DGKB: variants seen among roughly 807,000 people sequenced by gnomAD.
DGKB encodes 90 kDa diacylglycerol kinase.
Under a neutral mutation model 114.3 loss-of-function variants are expected in DGKB, and 67 were observed. The observed-to-expected ratio is 0.59, with a 90% CI of 0.48 to 0.72. The LOEUF (loss-of-function observed/expected upper bound fraction) is 0.72. Among genes scored for constraint, DGKB ranks in the 30% least tolerant of loss-of-function variants. DGKB has a pLI of 0.00. For missense variants in DGKB, 907 were observed against 975.2 expected (o/e 0.93, Z 0.93); for synonymous variants, 398 against 323.1 (o/e 1.23, Z -2.49).
chr7:14,394,565 G>C (rs555689455), intron 21 of DGKB, among the ~76,000 whole-genome samples: 2 of 152,192 alleles, frequency 1.3e-5, no homozygotes, highest in South Asian at 4.1e-4. Flanking sequence ...CAGTGGCTGT[G>C]CATAACCTTT....
intron 1 of DGKB, among the ~76,000 whole-genome samples, chr7:14,909,693 T>G (rs1783886736): frequency 6.6e-6 from 1 of 152,216 alleles, no homozygotes; most frequent in Non-Finnish European, 1.5e-5. Context: ...ATCAGTCACT[T>G]TATTCCTCAA....
intron 17 of DGKB, among the ~76,000 whole-genome samples, chr7:14,598,210 C>A (rs1334117562): frequency 6.6e-6 from 1 of 152,092 alleles, no homozygotes; most frequent in Non-Finnish European, 1.5e-5. Context: ...ACAGATGTTT[C>A]ATTTAAAACA....
intron 2 of DGKB, among the ~76,000 whole-genome samples, chr7:14,777,939 G>C (rs1028400580): frequency 2.0e-5 from 3 of 152,140 alleles, no homozygotes; most frequent in African/African-American, 7.2e-5. Flanking sequence ...CTTGTGTATA[G>C]AATCTGGAAA....
At chr7:14,360,565 G>A (rs898353644) in intron 21 of DGKB, among the ~76,000 whole-genome samples, 1 of 151,902 alleles carries the variant, frequency 6.6e-6, no homozygotes, top group Non-Finnish European at 1.5e-5. Flanking sequence ...TGTTGCAGTA[G>A]ACTTCAAAGA....
At chr7:14,589,840 A>C (rs916054289) in intron 17 of DGKB, among the ~76,000 whole-genome samples, 4 of 152,022 alleles carry the variant, frequency 2.6e-5, no homozygotes, top group South Asian at 4.2e-4. Context: ...GAACAAATTG[A>C]CCTATTTTTC....
chr7:14,469,237 T>G (rs2128883550), intron 21 of DGKB, among the ~76,000 whole-genome samples: 1 of 152,212 alleles, frequency 6.6e-6, no homozygotes, highest in African/African-American at 2.4e-5. Context: ...TTCATTTATC[T>G]TAGATTCTAA....
At chr7:14,880,539 G>T (rs1854064153) in intron 1 of DGKB, among the ~76,000 whole-genome samples, 1 of 152,302 alleles carries the variant, frequency 6.6e-6, no homozygotes, top group Admixed American at 6.5e-5. Flanking sequence ...TCAAGATCAA[G>T]TTGGAACAAT....
chr7:14,433,753 G>C (rs1316300243), intron 21 of DGKB, among the ~76,000 whole-genome samples: 1 of 152,082 alleles, frequency 6.6e-6, no homozygotes, highest in African/African-American at 2.4e-5. Context: ...TAAAACGTTT[G>C]GGACTGGAAG....
chr7:14,928,761 GAT>G (rs1784864145), intron 1 of DGKB, among the ~76,000 whole-genome samples: 1 of 151,560 alleles, frequency 6.6e-6, no homozygotes, highest in African/African-American at 2.4e-5. Flanking sequence ...GGGCTTTTAG[GAT>G]ATACATCATC....
intron 6 of DGKB, among the ~76,000 whole-genome samples, chr7:14,717,861 G>C (rs1475723975): frequency 2.0e-5 from 3 of 152,054 alleles, no homozygotes; most frequent in Non-Finnish European, 4.4e-5. Context: ...TAGAGTAAAT[G>C]CTTGAAAAAT....
At chr7:14,391,978 A>C (rs766200706) in intron 21 of DGKB, among the ~76,000 whole-genome samples, 72 of 152,128 alleles carry the variant, frequency 4.7e-4, no homozygotes, top group Non-Finnish European at 8.5e-4. Context: ...ATCCCTATTA[A>C]AGTTTTACTT....
At chr7:14,663,880 A>T (rs1201633199) in intron 13 of DGKB, among the ~76,000 whole-genome samples, 1 of 151,902 alleles carries the variant, frequency 6.6e-6, no homozygotes, top group Non-Finnish European at 1.5e-5. Flanking sequence ...CACTTCTGAA[A>T]AGAGGCAGCT....
intron 23 of DGKB, among the ~76,000 whole-genome samples, chr7:14,198,215 G>A (rs1276608593): frequency 6.6e-6 from 1 of 152,158 alleles, no homozygotes; most frequent in East Asian, 1.9e-4. Context: ...ATTGAAAATA[G>A]TAAGAAAAAA....
chr7:14,898,676 C>T (rs973189342), intron 1 of DGKB, among the ~76,000 whole-genome samples: 3 of 152,038 alleles, frequency 2.0e-5, no homozygotes, highest in Non-Finnish European at 2.9e-5. Context: ...CAACCCCAAC[C>T]TGAAGTGTCA....
intron 3 of DGKB, 100 bp downstream of exon 3, chr7:14,757,555 T>C (rs76589921): frequency 7.7e-6 from 5 of 646,888 alleles, no homozygotes; most frequent in Middle Eastern, 2.8e-4. Flanking sequence ...TACATATACA[T>C]ACACACACAC....
chr7:14,161,897 TAAA>T (rs1304521749), intron 25 of DGKB, among the ~76,000 whole-genome samples: 2 of 152,152 alleles, frequency 1.3e-5, no homozygotes, highest in Non-Finnish European at 2.9e-5. Context: ...TTCGAGGAAA[TAAA>T]AATAATAAAC....
chr7:14,196,196 T>C (rs1017312751), intron 23 of DGKB, among the ~76,000 whole-genome samples: 10 of 152,106 alleles, frequency 6.6e-5, no homozygotes, highest in African/African-American at 2.4e-4. Context: ...GACCCCTCAC[T>C]CATGAACTGA....
chr7:14,500,898 C>CAT (rs1449992533), intron 20 of DGKB, among the ~76,000 whole-genome samples: 1 of 151,796 alleles, frequency 6.6e-6, no homozygotes, highest in Admixed American at 6.6e-5. Context: ...ATAAATATGA[C>CAT]AACGGCTGTA....
At chr7:14,560,106 G>A (rs1312360658) in intron 20 of DGKB, among the ~76,000 whole-genome samples, 3 of 151,500 alleles carry the variant, frequency 2.0e-5, no homozygotes, top group Non-Finnish European at 2.9e-5. Context: ...ATATTTTGGC[G>A]ATTAACCCTT....
Sources: gnomAD v4.1 joint callset for allele counts (sites outside exome capture counted in the v4.1 genomes callset) on GRCh38, gnomAD v4.1.1 for gene constraint, MANE v1.5 for transcripts, NCBI Gene and HGNC (gene_info 2026-07-23, HGNC 2026-07-21) for gene names.